Variants in CHTF8 observed in about 807,000 individuals in gnomAD.
The protein encoded by CHTF8 is chromosome transmission fidelity factor 8, also known as chromosome transmission fidelity protein 8 homolog.
Under a neutral mutation model 11.0 loss-of-function variants are expected in CHTF8, and 6 were observed. The ratio of observed to expected loss-of-function variants is 0.55; its 90% CI spans 0.30 to 1.08. The LOEUF (loss-of-function observed/expected upper bound fraction) is 1.08, where lower values mean the gene tolerates loss of function less well. Among genes scored for constraint, CHTF8 ranks in the 50% least tolerant of loss-of-function variants. The pLI is 0.07. For missense variants in CHTF8, 140 were observed against 153.1 expected, an observed-to-expected ratio of 0.91 and a Z score of 0.45; for synonymous variants, 53 against 60.5, an observed-to-expected ratio of 0.88 and a Z score of 0.57.
At chr16:69,123,669 A>C (rs565262174) in intron 1 of CHTF8, among the ~76,000 whole-genome samples, 34 of 151,586 alleles carry the variant, frequency 2.2e-4, no homozygotes, top group African/African-American at 3.6e-4. Context: ...ATCAATCAAT[A>C]AATCCAAGGG....
chr16:69,123,782 TTAGA>T (rs1303688079), intron 1 of CHTF8, among the ~76,000 whole-genome samples: 1 of 152,044 alleles, frequency 6.6e-6, no homozygotes, highest in Non-Finnish European at 1.5e-5. Flanking sequence ...TGAAAATATC[TTAGA>T]TAATTAGATA....
rs1310843128 is a variant in CHTF8 at position 69,121,200 on chromosome 16, T to C, written c.24-30A>G. ...AAGCAAAGGGCTGGCGGTTACAATATTTTTGAGGGGTGAAGGATGAATAGT... is the reference window on the plus strand; with the variant it reads ...AAGCAAAGGGCTGGCGGTTACAATACTTTTGAGGGGTGAAGGATGAATAGT... On this transcript the variant is annotated intron_variant, in intron 2 of 3. Transcript: ENST00000448552. 3 of 1,591,862 alleles carry C rather than the reference T, an allele frequency of 1.9e-6. No homozygotes were observed. In the South Asian group the frequency reaches 3.3e-5, roughly 18 times the overall value.
Position 69,120,744 on chromosome 16 carries a change from A to C in CHTF8, c.142-95T>G, listed in dbSNP as rs1229849483. The C allele has an allele frequency of 9.4e-6, 10 of 1,063,842 alleles. No individual in the cohort carries two copies. Among genetic ancestry groups the C allele is most frequent in the Non-Finnish European group, 1.4e-5 (10 of 715,036 alleles). The allele number at this position is 1,063,842 out of a possible 1,614,324, so 65.9% of individuals were successfully genotyped here. ...GCTGCTCTTGGCAGGCTATGCTGGC[A>C]CCTCCAATCCCTGGTCTGGCTCTGC... On this transcript the variant is annotated intron_variant, in intron 3 of 3. Transcript: ENST00000448552. This position sits in a 1 kb window ranked among gnomAD's most constrained non-coding sequence, Gnocchi z 4.0.
At chr16:69,129,151 C>A (rs1037852693) in intron 1 of CHTF8, among the ~76,000 whole-genome samples, 2 of 151,862 alleles carry the variant, frequency 1.3e-5, no homozygotes, top group African/African-American at 4.8e-5. Context: ...CAGGCAGAGG[C>A]CGGGTGCGGT....
Position 69,119,495 on chromosome 16 carries a change from G to C in CHTF8, c.*930C>G, listed in dbSNP as rs1178231366. Reference sequence around the variant, plus strand: ...CTAGGACCCGAGTTTGGGCCCATGGGGCCAGGTACTCTTGCCATGGAGGAT... The same window carrying C: ...CTAGGACCCGAGTTTGGGCCCATGGCGCCAGGTACTCTTGCCATGGAGGAT... On this transcript the variant is annotated 3_prime_UTR_variant, in exon 4 of 4. Coordinates refer to ENST00000448552, the MANE Select transcript of CHTF8 (RefSeq NM_001039690.5). 2.8e-6 allele frequency: 2 copies of C among 702,904 alleles called. No individual in the cohort carries two copies. Among genetic ancestry groups the C allele is most frequent in the Non-Finnish European group, 5.2e-6 (2 of 385,032 alleles). The allele number at this position is 702,904 out of a possible 1,614,324, so 43.5% of individuals were successfully genotyped here.
Position 69,120,226 on chromosome 16 carries a change from T to C in CHTF8, c.*199A>G, listed in dbSNP as rs747139094. The C allele has an allele frequency of 1.4e-6, 1 of 705,580 alleles. No homozygotes were observed. Among genetic ancestry groups the C allele is most frequent in the South Asian group, 1.5e-5 (1 of 67,612 alleles). 43.7% of individuals were successfully genotyped at this position (705,580 alleles called of 1,614,324 possible). On this transcript the variant is annotated 3_prime_UTR_variant, in exon 4 of 4. Transcript: ENST00000448552. The surrounding 1 kb of genome is among the most constrained non-coding windows in gnomAD (Gnocchi z 4.0). ...TGATGAAGCTGGAAAAGGAGATGGG[T>C]TCCTTGGAAATGGGGTCAGATTTCC... is the stretch of plus-strand genomic sequence containing the variant.
rs1422710731 is a variant in CHTF8 at position 69,123,940 on chromosome 16, A to AC, written c.-35-2448_-35-2447insG. 1.3e-3 allele frequency among the ~76,000 whole-genome samples: 177 copies of AC among 140,332 alleles called. 2 individuals are homozygous for AC. In the Middle Eastern group the frequency reaches 0.026, roughly 20 times the overall value. The allele number at this position is 140,332 out of a possible 152,430, so 92.1% of individuals were successfully genotyped here. A position where few individuals can be genotyped will look rare whatever the true frequency, so the allele number is the denominator to read the frequency against. The stretch of plus-strand genomic sequence containing the variant: ...CCATCTCTACTAAAAAAAAAAAAAA[A>AC]AAAAAAACAAAAAATTAGCTGGGTG... On this transcript the variant is annotated intron_variant, in intron 1 of 3. Transcript: ENST00000448552.
At position 69,118,690 on chromosome 16, in the gene CHTF8, C is replaced by T; in HGVS notation, c.*1735G>A. 3.0e-6 allele frequency: 2 copies of T among 662,582 alleles called. No homozygotes were observed. The highest frequency in any genetic ancestry group is 5.4e-6 in the Non-Finnish European group (2 of 367,078). 41.0% of individuals were successfully genotyped at this position (662,582 alleles called of 1,614,324 possible). On this transcript the variant is annotated 3_prime_UTR_variant, in exon 4 of 4. Transcript: ENST00000448552. ...TTCACATGCCACAAATAACATCTCA[C>T]CTTCAGTCAAGAAAAACGCAAAGGA...
chr16:69,119,117 G>C lies in CHTF8; in HGVS notation c.*1308C>G. 1 of 702,988 alleles carries C rather than the reference G, an allele frequency of 1.4e-6. No individual in the cohort carries two copies. The allele number at this position is 702,988 out of a possible 1,614,324, so 43.5% of individuals were successfully genotyped here. On this transcript the variant is annotated 3_prime_UTR_variant, in exon 4 of 4. Transcript: ENST00000448552. ...GCAGCTGGCCTGGGGAAAGTAACTT[G>C]ACCAGGGCCTAATGGGCCAGTAGAC...
At chr16:69,121,521 GTAA>G in intron 1 of CHTF8, 28 bp from the exon 2 acceptor site, 1 of 1,407,632 alleles carries the variant, frequency 7.1e-7, no homozygotes, top group Non-Finnish European at 9.9e-7. Flanking sequence ...GAGATTTAGG[GTAA>G]TAACAACAAC....
chr16:69,128,106 G>A (rs1427890891), intron 1 of CHTF8, among the ~76,000 whole-genome samples: 2 of 151,410 alleles, frequency 1.3e-5, no homozygotes, highest in Admixed American at 1.3e-4. Flanking sequence ...GTAGAGATGG[G>A]GTTTCACCCT....
At chr16:69,129,379 G>A (rs1456998798) in intron 1 of CHTF8, among the ~76,000 whole-genome samples, 1 of 130,858 alleles carries the variant, frequency 7.6e-6, no homozygotes, top group African/African-American at 3.0e-5. Context: ...GCAGTGAGCC[G>A]ACATCACGCC....
At position 69,127,869 on chromosome 16, in the gene CHTF8, CA is replaced by C. The variant is rs553213855; in HGVS notation, c.-36+4614del. Among the ~76,000 whole-genome samples, 7 of 152,024 alleles carry C rather than the reference CA, an allele frequency of 4.6e-5. No homozygotes were observed. The East Asian group carries it at 1.2e-3, about 25-fold the overall frequency. ...AAGTGATCTGCCCACCTTGGCCTTC[CA>C]AAGTGTTGGGATTACAGGCGTGAAC... On this transcript the variant is annotated intron_variant, in intron 1 of 3. Coordinates refer to ENST00000448552, the MANE Select transcript of CHTF8 (RefSeq NM_001039690.5).
intron 1 of CHTF8, among the ~76,000 whole-genome samples, chr16:69,121,974 G>C (rs1961706947): frequency 6.6e-6 from 1 of 151,506 alleles, no homozygotes; most frequent in South Asian, 2.1e-4. Context: ...CGGCCCTAGA[G>C]ATGGGGTTTC....
At position 69,118,221 on chromosome 16, in the gene CHTF8, A is replaced by G; in HGVS notation, c.*2204T>C. ...GTACCAGTGAAGAGGGAGTTGGATG[A>G]GTAGAGGGGCCTTAAATCTGGCCAC... On this transcript the variant is annotated 3_prime_UTR_variant, in exon 4 of 4. Transcript: ENST00000448552. 1 of 612,618 alleles carries G rather than the reference A, an allele frequency of 1.6e-6. No homozygotes were observed. The highest frequency in any genetic ancestry group is 3.0e-5 in the East Asian group (1 of 33,408). 37.9% of individuals were successfully genotyped at this position (612,618 alleles called of 1,614,324 possible). A position where few individuals can be genotyped will look rare whatever the true frequency, so the allele number is the denominator to read the frequency against.
At chr16:69,121,813 G>A (rs1192047679) in intron 1 of CHTF8, among the ~76,000 whole-genome samples, 1 of 152,066 alleles carries the variant, frequency 6.6e-6, no homozygotes, top group Non-Finnish European at 1.5e-5. Context: ...GACTACAGGT[G>A]CCCGCCACCA....
Position 69,120,489 on chromosome 16 carries a change from T to C in CHTF8, c.302A>G (p.Lys101Arg). 6.2e-7 allele frequency: 1 copy of C among 1,614,094 alleles called. No individual in the cohort carries two copies. The highest frequency in any genetic ancestry group is 8.5e-7 in the Non-Finnish European group (1 of 1,180,018). Residue 101 changes from lysine (K) to arginine (R), a missense_variant, in exon 4 of 4, where the codon AAA becomes AGA. Physicochemically the swap from Lys to Arg is conservative, Grantham distance 26 (BLOSUM62 2). Coordinates refer to ENST00000448552, the MANE Select transcript of CHTF8 (RefSeq NM_001039690.5). This position sits in a 1 kb window ranked among gnomAD's most constrained non-coding sequence, Gnocchi z 4.0. Reference sequence around the variant, plus strand: ...GCGGGTTTTGAAAAGGATCTTGTCTTTGATGAGTGCTGTCACCAGGTACCG... The same window carrying C: ...GCGGGTTTTGAAAAGGATCTTGTCTCTGATGAGTGCTGTCACCAGGTACCG... Reference protein sequence around the residue: ...GTRYLVTALIKDKILFKTRPK... With the variant: ...GTRYLVTALIRDKILFKTRPK...
In CHTF8 at chr16:69,118,143, C is replaced by A; in HGVS notation, c.*2282G>T. The A allele has an allele frequency of 8.6e-6, 3 of 347,860 alleles. No homozygotes were observed. The highest frequency in any genetic ancestry group is 1.7e-5 in the Non-Finnish European group (3 of 180,692). The allele number at this position is 347,860 out of a possible 1,614,324, so 21.5% of individuals were successfully genotyped here. A position where few individuals can be genotyped will look rare whatever the true frequency, so the allele number is the denominator to read the frequency against. ...TCATCCCCCACCCCCACCCTAATTC[C>A]CATATTCCCATCCACATCAGTTTAA... On this transcript the variant is annotated 3_prime_UTR_variant, in exon 4 of 4. Transcript: ENST00000448552.
In CHTF8 at chr16:69,121,499, G is replaced by C; in HGVS notation, c.-35-6C>G. The C allele has an allele frequency of 1.9e-6, 3 of 1,564,574 alleles. No individual in the cohort carries two copies. Among genetic ancestry groups the C allele is most frequent in the Non-Finnish European group, 2.6e-6 (3 of 1,152,162 alleles). On this transcript the variant is annotated splice_region_variant and splice_polypyrimidine_tract_variant and intron_variant, in intron 1 of 3. Coordinates refer to ENST00000448552, the MANE Select transcript of CHTF8 (RefSeq NM_001039690.5). ...AAAAAGCAAGTGAAAACAAGCTGTAGAGAGAAAAAAAGAGATTTAGGGTAA... is the reference window on the plus strand; with the variant it reads ...AAAAAGCAAGTGAAAACAAGCTGTACAGAGAAAAAAAGAGATTTAGGGTAA...
Sources: gnomAD v4.1 joint callset for allele counts (sites outside exome capture counted in the v4.1 genomes callset) on GRCh38, gnomAD v4.1.1 for gene constraint, Gnocchi (gnomAD v3.1) non-coding constraint, MANE v1.5 for transcripts, NCBI Gene and HGNC (gene_info 2026-07-23, HGNC 2026-07-21) for gene names.